Variants in TSPEAR observed in about 807,000 individuals in gnomAD.
The protein encoded by TSPEAR is thrombospondin-type laminin G domain and EAR repeat-containing protein.
Under a neutral mutation model 71.6 loss-of-function variants are expected in TSPEAR, and 69 were observed. That is an observed-to-expected ratio of 0.96 (90% CI 0.79 to 1.18). TSPEAR has a LOEUF of 1.18. Ranked by LOEUF, TSPEAR falls within the 50% of genes most tolerant of loss-of-function variation. TSPEAR has a pLI of 0.00. For missense variants in TSPEAR, 971 were observed against 894.9 expected, an observed-to-expected ratio of 1.09 and a Z score of -1.09; for synonymous variants, 402 against 387.2, an observed-to-expected ratio of 1.04 and a Z score of -0.45.
Position 44,623,167 on chromosome 21 carries a change from T to C in TSPEAR, c.83-55162A>G, listed in dbSNP as rs1982558785. The stretch of plus-strand genomic sequence containing the variant: ...TTACCCAGTCTCAAATATTTCTTTA[T>C]AGCAATGCGAGACCAGCTTAACACA... On this transcript the variant is annotated intron_variant, in intron 1 of 11. Coordinates refer to ENST00000323084, the MANE Select transcript of TSPEAR (RefSeq NM_144991.3). This position sits in a 1 kb window ranked among gnomAD's most constrained non-coding sequence, Gnocchi z 4.5. Among the ~76,000 whole-genome samples the C allele has an allele frequency of 2.0e-5, 3 of 152,176 alleles. No individual in the cohort carries two copies. The highest frequency in any genetic ancestry group is 2.1e-4 in the South Asian group (1 of 4,826).
At chr21:44,661,662 T>C (rs1985503173) in intron 1 of TSPEAR, among the ~76,000 whole-genome samples, 1 of 152,200 alleles carries the variant, frequency 6.6e-6, no homozygotes, top group African/African-American at 2.4e-5. Context: ...TACTGGCATC[T>C]GCTCAGCTTC....
chr21:44,664,721 A>C (rs1342341185), intron 1 of TSPEAR, among the ~76,000 whole-genome samples: 1 of 152,208 alleles, frequency 6.6e-6, no homozygotes, highest in Non-Finnish European at 1.5e-5. Flanking sequence ...TTAGCATATG[A>C]CCCAGCTATT....
chr21:44,694,697 C>T (rs1212025285), intron 1 of TSPEAR, among the ~76,000 whole-genome samples: 2 of 152,178 alleles, frequency 1.3e-5, no homozygotes, highest in Non-Finnish European at 2.9e-5. Context: ...TTTTAGCACA[C>T]ATGTATTGAT....
At chr21:44,559,145 A>T (rs1342088139) in intron 2 of TSPEAR, among the ~76,000 whole-genome samples, 1 of 152,152 alleles carries the variant, frequency 6.6e-6, no homozygotes, top group East Asian at 1.9e-4. Flanking sequence ...ACACCTAAGG[A>T]GGGATGAGGT....
At chr21:44,580,653 G>T (rs1978909317) in intron 1 of TSPEAR, 1 of 1,430,702 alleles carries the variant, frequency 7.0e-7, no homozygotes, top group African/African-American at 1.4e-5. Context: ...GTGAAGGAGG[G>T]AGTGAGTGAG....
At chr21:44,636,562 T>C (rs1983580407) in intron 1 of TSPEAR, among the ~76,000 whole-genome samples, 1 of 152,182 alleles carries the variant, frequency 6.6e-6, no homozygotes, top group Admixed American at 6.5e-5. Flanking sequence ...AGTGCAAACA[T>C]AGAGTAAGAC....
intron 1 of TSPEAR, among the ~76,000 whole-genome samples, chr21:44,682,792 G>A (rs1986669064): frequency 6.6e-6 from 1 of 152,214 alleles, no homozygotes; most frequent in Non-Finnish European, 1.5e-5. Context: ...CGGAGTCAGA[G>A]CAGAATACAG....
chr21:44,635,638 A>C (rs1379249512), intron 1 of TSPEAR, among the ~76,000 whole-genome samples: 1 of 152,130 alleles, frequency 6.6e-6, no homozygotes. Context: ...CAAGCAGAAT[A>C]GTATTGGTTG....
intron 1 of TSPEAR, among the ~76,000 whole-genome samples, chr21:44,680,176 A>G (rs999268770): frequency 2.6e-5 from 4 of 152,228 alleles, no homozygotes; most frequent in African/African-American, 9.6e-5. Flanking sequence ...TAAGGAACTC[A>G]AACAACTCAA....
chr21:44,614,399 T>C (rs1171397547), intron 1 of TSPEAR, among the ~76,000 whole-genome samples: 1 of 152,182 alleles, frequency 6.6e-6, no homozygotes, highest in Non-Finnish European at 1.5e-5. Flanking sequence ...AGAGGCACCG[T>C]CCCCAGGGGG....
At chr21:44,538,316 G>A (rs964235359) in intron 2 of TSPEAR, among the ~76,000 whole-genome samples, 3 of 151,986 alleles carry the variant, frequency 2.0e-5, no homozygotes, top group African/African-American at 4.8e-5. Context: ...TGCTCCCCGC[G>A]TGGACCAAGC....
At chr21:44,590,053 G>A (rs902555983) in intron 1 of TSPEAR, among the ~76,000 whole-genome samples, 2 of 151,704 alleles carry the variant, frequency 1.3e-5, no homozygotes, top group African/African-American at 4.9e-5. Flanking sequence ...GACGGCTGCT[G>A]CTGGCTGTCC....
At chr21:44,514,934 G>GTACTT (rs1555913169) in intron 9 of TSPEAR, among the ~76,000 whole-genome samples, 2 of 152,144 alleles carry the variant, frequency 1.3e-5, no homozygotes, top group African/African-American at 2.4e-5. Flanking sequence ...TTGGAGCACT[G>GTACTT]TACTTAACCT....
intron 3 of TSPEAR, among the ~76,000 whole-genome samples, chr21:44,533,331 G>A (rs1288432031): frequency 5.3e-5 from 8 of 152,306 alleles, no homozygotes; most frequent in South Asian, 2.1e-4. Flanking sequence ...AGGCTGGCGC[G>A]GACGCTGACC....
chr21:44,702,454 A>T (rs1410207698), intron 1 of TSPEAR: 22 of 1,610,744 alleles, frequency 1.4e-5, no homozygotes, highest in Non-Finnish European at 1.8e-5. Context: ...CTCCTCCCCA[A>T]GCCAGCAGTC....
intron 10 of TSPEAR, chr21:44,507,936 C>G (rs587621698): frequency 6.6e-6 from 1 of 151,990 alleles, no homozygotes; most frequent in East Asian, 1.9e-4. Flanking sequence ...CAGCAGACAC[C>G]GCCGCTGGCT....
intron 1 of TSPEAR, among the ~76,000 whole-genome samples, chr21:44,606,413 ATTG>A (rs1981318388): frequency 6.6e-6 from 1 of 152,224 alleles, no homozygotes; most frequent in South Asian, 2.1e-4. Context: ...AGTCTTGTAC[ATTG>A]TTGGTGGGAA....
In TSPEAR at chr21:44,523,307, TTGTC is replaced by T. The variant is rs202000100; in HGVS notation, c.1337-1199_1337-1196del. On this transcript the variant is annotated intron_variant, in intron 8 of 11. Coordinates refer to ENST00000323084, the MANE Select transcript of TSPEAR (RefSeq NM_144991.3). ...TGAGGTATTCAGTCAGTCAGTCAGT[TTGTC>T]AGTCAGTCAGGTAGGTAGTCACTCA... Among the ~76,000 whole-genome samples the T allele has an allele frequency of 2.8e-3, 418 of 150,162 alleles. 2 individuals carry two copies. Among genetic ancestry groups the T allele is most frequent in the African/African-American group, 9.9e-3 (395 of 39,782 alleles).
chr21:44,547,811 C>G (rs2146021357), intron 2 of TSPEAR, among the ~76,000 whole-genome samples: 1 of 152,190 alleles, frequency 6.6e-6, no homozygotes, highest in East Asian at 1.9e-4. Context: ...TGCACCTTTA[C>G]TTCCTGCTTG....
Sources: allele counts gnomAD v4.1 joint callset (sites outside exome capture counted in the v4.1 genomes callset), GRCh38; gene constraint gnomAD v4.1.1; non-coding constraint Gnocchi (gnomAD v3.1); transcripts MANE v1.5; gene names NCBI Gene and HGNC (gene_info 2026-07-23, HGNC 2026-07-21).